Variants in AP3B1 observed in about 807,000 individuals in gnomAD.
AP3B1 encodes AP-3 complex subunit beta-1.
Under a neutral mutation model 132.5 loss-of-function variants are expected in AP3B1, and 61 were observed. That is an observed-to-expected ratio of 0.46 (90% CI 0.37 to 0.57). The LOEUF (loss-of-function observed/expected upper bound fraction) is 0.57. AP3B1 is among the 20% of genes least tolerant of loss of function. The pLI, the probability that AP3B1 is intolerant of heterozygous loss-of-function variation, is 0.00. For synonymous variants in AP3B1, 388 were observed against 438.3 expected, an observed-to-expected ratio of 0.89 and a Z score of 1.43; for missense variants, 1,120 against 1,289.4, an observed-to-expected ratio of 0.87 and a Z score of 2.01.
intron 17 of AP3B1, among the ~76,000 whole-genome samples, chr5:78,122,407 G>C (rs2112284383): frequency 6.6e-6 from 1 of 152,316 alleles, no homozygotes; most frequent in South Asian, 2.1e-4. Flanking sequence ...AAGTCAAATT[G>C]TCCCTGTTTG....
At chr5:78,202,457 A>T (rs529922108) in intron 7 of AP3B1, among the ~76,000 whole-genome samples, 1 of 152,210 alleles carries the variant, frequency 6.6e-6, no homozygotes, top group African/African-American at 2.4e-5. Flanking sequence ...TGACACTAAG[A>T]TAACCATGAG....
chr5:78,168,029 C>CA (rs1281110094), intron 11 of AP3B1, among the ~76,000 whole-genome samples: 3 of 134,358 alleles, frequency 2.2e-5, no homozygotes, highest in African/African-American at 2.8e-5. Flanking sequence ...AAAAAAAAAA[C>CA]AAAAAAAATA....
At chr5:78,053,779 G>A (rs1748692282) in intron 22 of AP3B1, among the ~76,000 whole-genome samples, 1 of 151,488 alleles carries the variant, frequency 6.6e-6, no homozygotes, top group South Asian at 2.1e-4. Context: ...GACTTCTCTT[G>A]CTTATACTAT....
intron 15 of AP3B1, among the ~76,000 whole-genome samples, chr5:78,140,594 A>G (rs1324050573): frequency 6.6e-6 from 1 of 152,160 alleles, no homozygotes; most frequent in African/African-American, 2.4e-5. Context: ...TCATTTATAA[A>G]GGCTCCACCC....
chr5:78,236,443 CAG>C (rs1258284070), intron 3 of AP3B1, among the ~76,000 whole-genome samples: 1 of 152,040 alleles, frequency 6.6e-6, no homozygotes, highest in Non-Finnish European at 1.5e-5. Flanking sequence ...AGAGACAAAA[CAG>C]AGGGAGGAAT....
chr5:78,006,393 C>A (rs1335651162), intron 26 of AP3B1, among the ~76,000 whole-genome samples: 1 of 152,110 alleles, frequency 6.6e-6, no homozygotes, highest in African/African-American at 2.4e-5. Context: ...TATTATTGTT[C>A]CAAAAACATT....
chr5:78,198,841 G>T (rs1483439562), intron 7 of AP3B1, among the ~76,000 whole-genome samples: 3 of 152,118 alleles, frequency 2.0e-5, no homozygotes, highest in Non-Finnish European at 4.4e-5. Flanking sequence ...CATTATTAGA[G>T]ATAATTCACT....
At chr5:78,031,504 C>T (rs532993480) in intron 24 of AP3B1, among the ~76,000 whole-genome samples, 11 of 152,334 alleles carry the variant, frequency 7.2e-5, no homozygotes, top group South Asian at 4.1e-4. Context: ...CACACCAAAA[C>T]GTCTTTCCCA....
chr5:78,029,236 T>C (rs1747466473), intron 24 of AP3B1, among the ~76,000 whole-genome samples: 1 of 152,236 alleles, frequency 6.6e-6, no homozygotes. Context: ...TGTTTTCTGC[T>C]TTATAAATTA....
intron 26 of AP3B1, among the ~76,000 whole-genome samples, chr5:78,011,049 T>C (rs1212838360): frequency 4.0e-5 from 6 of 148,302 alleles, no homozygotes; most frequent in Non-Finnish European, 7.5e-5. Flanking sequence ...CTCTTTTTTT[T>C]TTTTTTTTTT....
chr5:78,215,832 T>C (rs1381799891), intron 7 of AP3B1, among the ~76,000 whole-genome samples: 1 of 152,206 alleles, frequency 6.6e-6, no homozygotes, highest in Non-Finnish European at 1.5e-5. Context: ...TAAAAGTGTA[T>C]ATACTTACAC....
At chr5:78,220,969 T>C (rs1393130725) in intron 6 of AP3B1, among the ~76,000 whole-genome samples, 2 of 152,046 alleles carry the variant, frequency 1.3e-5, no homozygotes, top group Non-Finnish European at 2.9e-5. Flanking sequence ...GGATTGCTTG[T>C]GCTGGGGAGG....
intron 22 of AP3B1, among the ~76,000 whole-genome samples, chr5:78,044,519 T>C (rs765920040): frequency 7.9e-5 from 12 of 152,222 alleles, no homozygotes; most frequent in Non-Finnish European, 1.2e-4. Context: ...AAAGTTGGCC[T>C]ACATATAATA....
chr5:78,043,503 A>G, intron 22 of AP3B1: 1 of 265,670 alleles, frequency 3.8e-6, no homozygotes, highest in South Asian at 4.8e-5. Flanking sequence ...TTCCTTCTCC[A>G]AAGAAAGGGT....
chr5:78,255,752 T>G (rs1308128751), intron 2 of AP3B1, among the ~76,000 whole-genome samples: 2 of 152,102 alleles, frequency 1.3e-5, no homozygotes, highest in African/African-American at 4.8e-5. Flanking sequence ...ATCTAATACA[T>G]ATTTACAGAA....
In AP3B1 at chr5:78,125,198, A is replaced by G. The variant is rs951684029; in HGVS notation, c.1968+2832T>C. Among the ~76,000 whole-genome samples, 3 of 152,182 alleles carry G rather than the reference A, an allele frequency of 2.0e-5. No homozygotes were observed. In the South Asian group the frequency reaches 6.2e-4, roughly 31 times the overall value. On this transcript the variant is annotated intron_variant, in intron 17 of 26. Transcript: ENST00000255194. ...AGTAGAGAAGAAAGGACTTTCTAGA[A>G]CTAAGCAAATAAATTATTAACTAAG...
chr5:78,241,157 T>C (rs1054405154), intron 2 of AP3B1, among the ~76,000 whole-genome samples: 1 of 151,906 alleles, frequency 6.6e-6, no homozygotes, highest in Non-Finnish European at 1.5e-5. Context: ...TTAAGATATA[T>C]ATTTAAATAT....
chr5:78,210,273 C>T (rs1239733029), intron 7 of AP3B1, among the ~76,000 whole-genome samples: 4 of 151,984 alleles, frequency 2.6e-5, no homozygotes, highest in Admixed American at 1.3e-4. Context: ...CATTTTGGTC[C>T]GTTAAGACAG....
At chr5:78,184,895 CA>C (rs1744540462) in intron 7 of AP3B1, among the ~76,000 whole-genome samples, 1 of 152,012 alleles carries the variant, frequency 6.6e-6, no homozygotes, top group Non-Finnish European at 1.5e-5. Flanking sequence ...GGATTAAACC[CA>C]AAGAAATCCA....
Sources: gnomAD v4.1 joint callset for allele counts (sites outside exome capture counted in the v4.1 genomes callset) on GRCh38, gnomAD v4.1.1 for gene constraint, MANE v1.5 for transcripts, NCBI Gene and HGNC (gene_info 2026-07-23, HGNC 2026-07-21) for gene names.